Variants in TRIM36 observed in about 807,000 individuals in gnomAD.
TRIM36 encodes the protein E3 ubiquitin-protein ligase TRIM36.
In TRIM36, 42 loss-of-function variants were observed where a neutral mutation model predicts 72.4. The ratio of observed to expected loss-of-function variants is 0.58; its 90% confidence interval spans 0.45 to 0.75. The LOEUF (loss-of-function observed/expected upper bound fraction) is 0.75, where lower values mean the gene tolerates loss of function less well. Ranked by LOEUF, TRIM36 falls within the 30% of genes least tolerant of loss-of-function variation. The pLI, the probability that TRIM36 is intolerant of heterozygous loss-of-function variation, is 0.00. For synonymous variants in TRIM36, 315 were observed against 282.8 expected, an observed-to-expected ratio of 1.11 and a Z score of -1.14; for missense variants, 913 against 857.1, an observed-to-expected ratio of 1.07 and a Z score of -0.81.
intron 8 of TRIM36, among the ~76,000 whole-genome samples, chr5:115,132,465 G>A (rs1752742305): frequency 2.7e-5 from 4 of 150,210 alleles, no homozygotes; most frequent in South Asian, 4.2e-4. Context: ...GAACCCAGGA[G>A]ACAGAGGTTG....
intron 2 of TRIM36, chr5:115,153,650 T>C (rs927208914): frequency 1.3e-5 from 2 of 152,488 alleles, no homozygotes; most frequent in Non-Finnish European, 2.9e-5. Context: ...GGATTACAGG[T>C]GGGTGCCACC....
chr5:115,160,379 A>G (rs1754417683), intron 2 of TRIM36, among the ~76,000 whole-genome samples: 2 of 152,220 alleles, frequency 1.3e-5, no homozygotes, highest in Non-Finnish European at 2.9e-5. Context: ...TATAAACAAT[A>G]TAACAATTAT....
Position 115,163,647 on chromosome 5 carries a change from C to G in TRIM36, c.133G>C (p.Val45Leu). 1 of 1,614,116 alleles carries G rather than the reference C, an allele frequency of 6.2e-7. No homozygotes were observed. Among genetic ancestry groups the G allele is most frequent in the Non-Finnish European group, 8.5e-7 (1 of 1,180,030 alleles). Residue 45 changes from valine (V) to leucine (L), a missense_variant, in exon 2 of 10, where the codon GTA (valine) becomes CTA (leucine). Transcript: ENST00000513154. Reference sequence around the variant, plus strand: ...TCGAGAGTCAGCAGGAGTTCTTTTACACATTTATGACAGATACTATGTTGG... The same window carrying G: ...TCGAGAGTCAGCAGGAGTTCTTTTAGACATTTATGACAGATACTATGTTGG... ...PCQHSICHKC[V>L]KELLLTLDDS... is the part of the protein sequence containing the mutation.
intron 4 of TRIM36, among the ~76,000 whole-genome samples, chr5:115,143,254 T>C (rs60895403): frequency 0.021 from 2,155 of 100,396 alleles, 40 homozygotes; most frequent in African/African-American, 0.048. Context: ...AAAAAACAAA[T>C]CTCTAAATTC....
intron 2 of TRIM36, among the ~76,000 whole-genome samples, chr5:115,159,419 C>A (rs1023371081): frequency 3.3e-5 from 5 of 152,152 alleles, no homozygotes; most frequent in African/African-American, 1.2e-4. Context: ...TGTATATTGA[C>A]AAAATGCAAG....
rs139179327 is a variant in TRIM36 at position 115,126,578 on chromosome 5, T to C, written c.2076A>G (p.Ala692=). 5 of 1,614,046 alleles carry C rather than the reference T, an allele frequency of 3.1e-6. No homozygotes were observed. Among genetic ancestry groups the C allele is most frequent in the South Asian group, 2.2e-5 (2 of 91,084 alleles). Residue 692 remains alanine, a synonymous_variant, in exon 10 of 10, where the codon GCA becomes GCG. Transcript: ENST00000513154. ...GCTGAATTCCTCCACTGCCCATTAA[T>C]GCAAATGCTGGATACAGTGTATGTG... ...DCSHTLYPAF[A]LMGSGGIQLE...
intron 7 of TRIM36, among the ~76,000 whole-genome samples, chr5:115,134,415 A>T (rs1322713966): frequency 6.6e-6 from 1 of 152,142 alleles, no homozygotes; most frequent in African/African-American, 2.4e-5. Context: ...AATTTTTTTT[A>T]ACCACATGCC....
chr5:115,139,021 G>A (rs977705020), intron 5 of TRIM36, among the ~76,000 whole-genome samples: 43 of 151,544 alleles, frequency 2.8e-4, no homozygotes, highest in Admixed American at 7.2e-4. Flanking sequence ...GGGTTTCACC[G>A]TGTTAGCCAG....
chr5:115,174,788 G>T (rs1047480473), upstream of TRIM36, among the ~76,000 whole-genome samples: 2 of 152,168 alleles, frequency 1.3e-5, no homozygotes, highest in Non-Finnish European at 2.9e-5. Context: ...GACCATTTAA[G>T]CTTTTATTTA....
At chr5:115,127,008 CACATT>C in intron 9 of TRIM36, 151 bp from the exon 10 acceptor site, 1 of 827,598 alleles carries the variant, frequency 1.2e-6, no homozygotes, top group Non-Finnish European at 1.8e-6. Flanking sequence ...ATAAAAATGA[CACATT>C]ACAATTTAGA....
chr5:115,155,430 A>C (rs1754124086), intron 2 of TRIM36, among the ~76,000 whole-genome samples: 1 of 152,240 alleles, frequency 6.6e-6, no homozygotes, highest in African/African-American at 2.4e-5. Context: ...ATACTAGCTA[A>C]CTAAATCCAA....
Position 115,126,698 on chromosome 5 carries a change from T to C in TRIM36, c.1956A>G (p.Thr652=). 6.2e-7 allele frequency: 1 copy of C among 1,614,200 alleles called. No individual in the cohort carries two copies. The highest frequency in any genetic ancestry group is 8.5e-7 in the Non-Finnish European group (1 of 1,180,034). The change falls in exon 10 of 10, where the codon ACA becomes ACG. Residue 652 remains threonine, a synonymous_variant. Coordinates refer to ENST00000513154, the MANE Select transcript of TRIM36 (RefSeq NM_001300759.2). ...CACAGTCAAGGAAAATCCCAATACT[T>C]GTTGGCATAGGGAGAACTCTATTTT... The part of the protein sequence containing the change: ...EPENRVLPMP[T]SIGIFLDCDK...
intron 2 of TRIM36, among the ~76,000 whole-genome samples, chr5:115,160,333 T>C (rs1432994181): frequency 6.6e-6 from 1 of 152,238 alleles, no homozygotes; most frequent in Non-Finnish European, 1.5e-5. Flanking sequence ...TTAATGTTAT[T>C]TAACCCACTA....
At chr5:115,179,731 C>T (rs528424405) in intron 1 of TRIM36, among the ~76,000 whole-genome samples, 6 of 152,388 alleles carry the variant, frequency 3.9e-5, no homozygotes, top group Non-Finnish European at 7.3e-5. Flanking sequence ...TATTGCTGCC[C>T]AGCTGGCCCC....
At chr5:115,131,313 T>G (rs543424737) in intron 8 of TRIM36, among the ~76,000 whole-genome samples, 22 of 152,296 alleles carry the variant, frequency 1.4e-4, no homozygotes, top group Non-Finnish European at 2.4e-4. Flanking sequence ...TTTTAGCTAT[T>G]TTAATAAAGC....
chr5:115,175,978 T>G (rs1257556151), intron 1 of TRIM36, among the ~76,000 whole-genome samples: 1 of 151,996 alleles, frequency 6.6e-6, no homozygotes, highest in African/African-American at 2.4e-5. Context: ...TACAAAAAAT[T>G]AGCCGGGCAT....
chr5:115,176,261 G>A (rs1322489384), intron 1 of TRIM36, among the ~76,000 whole-genome samples: 2 of 152,160 alleles, frequency 1.3e-5, no homozygotes, highest in East Asian at 1.9e-4. Flanking sequence ...TGGTATTTTT[G>A]TTTTGGTCCC....
chr5:115,152,133 G>T (rs75288930), intron 2 of TRIM36, among the ~76,000 whole-genome samples: 2,278 of 152,202 alleles, frequency 0.015, 42 homozygotes, highest in African/African-American at 0.045. Context: ...TACAAGAAGT[G>T]AAGGAAGAAA....
At chr5:115,172,176 C>T (rs1755145247), upstream of TRIM36, among the ~76,000 whole-genome samples, 3 of 152,150 alleles carry the variant, frequency 2.0e-5, no homozygotes, top group African/African-American at 4.8e-5. Flanking sequence ...TCTTATTTTG[C>T]TCAAACCTTT....
Sources: allele counts gnomAD v4.1 joint callset (sites outside exome capture counted in the v4.1 genomes callset), GRCh38; gene constraint gnomAD v4.1.1; transcripts MANE v1.5; gene names NCBI Gene and HGNC (gene_info 2026-07-23, HGNC 2026-07-21).